Variants in MCC observed in about 807,000 individuals in gnomAD.
MCC encodes colorectal mutant cancer protein.
In MCC, 90 loss-of-function variants were observed where a neutral mutation model predicts 116.2. The ratio of observed to expected loss-of-function variants is 0.77; its 90% confidence interval spans 0.65 to 0.92. The LOEUF (loss-of-function observed/expected upper bound fraction) is 0.92. Ranked by LOEUF, MCC falls within the 40% of genes least tolerant of loss-of-function variation. The pLI is 0.00. For synonymous variants in MCC, 578 were observed against 510.5 expected (o/e 1.13, Z -1.78); for missense variants, 1,516 against 1,312.2 (o/e 1.16, Z -2.40).
In MCC at chr5:113,085,280, C is replaced by A. The variant is rs140863211; in HGVS notation, c.1429G>T (p.Val477Leu). The A allele has an allele frequency of 6.2e-6, 10 of 1,613,776 alleles. No homozygotes were observed. Among genetic ancestry groups the A allele is most frequent in the Non-Finnish European group, 8.5e-6 (10 of 1,179,916 alleles). Residue 477 changes from valine (V) to leucine (L), a missense_variant, in exon 9 of 19, where the codon GTG becomes TTG. Coordinates refer to ENST00000408903, the MANE Select transcript of MCC (RefSeq NM_001085377.2). ...VRELQTRLQS[V>L]QATGPSSPGR... ...GGGCTGGAGGGACCTGTGGCCTGCA[C>A]GCTCTGTAGTCGAGTTTGAAGCTCT...
chr5:113,129,951 G>A (rs188011869), intron 5 of MCC, among the ~76,000 whole-genome samples: 2,217 of 152,264 alleles, frequency 0.015, 23 homozygotes, highest in Middle Eastern at 0.027. Flanking sequence ...TCTAGAACCA[G>A]AAATACCATT....
intron 8 of MCC, among the ~76,000 whole-genome samples, chr5:113,094,821 T>G (rs994349600): frequency 6.6e-6 from 1 of 152,178 alleles, no homozygotes; most frequent in African/African-American, 2.4e-5. Flanking sequence ...CATAGGCACA[T>G]GAGGCTGGGG....
chr5:113,039,364 C>T (rs890007882), intron 17 of MCC, among the ~76,000 whole-genome samples: 3 of 152,124 alleles, frequency 2.0e-5, no homozygotes, highest in African/African-American at 2.4e-5. Flanking sequence ...AGATCCTTAC[C>T]TTTTTATCAG....
At chr5:113,119,664 G>C (rs945298985) in intron 6 of MCC, among the ~76,000 whole-genome samples, 1 of 151,890 alleles carries the variant, frequency 6.6e-6, no homozygotes, top group African/African-American at 2.4e-5. Context: ...TTCATCCCCA[G>C]TACCTAGCAC....
At chr5:113,382,262 T>C (rs1327603690) in intron 2 of MCC, among the ~76,000 whole-genome samples, 3 of 151,774 alleles carry the variant, frequency 2.0e-5, no homozygotes, top group Non-Finnish European at 4.4e-5. Flanking sequence ...CTTTATCTAA[T>C]TATTGTCCTT....
intron 1 of MCC, among the ~76,000 whole-genome samples, chr5:113,469,094 T>C: frequency 6.6e-6 from 1 of 152,222 alleles, no homozygotes; most frequent in South Asian, 2.1e-4. Context: ...TTAGTCTTGC[T>C]AGAAGTCTAT....
In MCC at chr5:113,104,264, G is replaced by C. The variant is rs778753429; in HGVS notation, c.1119C>G (p.Leu373=). The C allele has an allele frequency of 1.2e-6, 2 of 1,614,086 alleles. No homozygotes were observed. The highest frequency in any genetic ancestry group is 4.5e-5 in the East Asian group (2 of 44,882). The change falls in exon 7 of 19, where the codon CTC becomes CTG. Residue 373 remains leucine, a synonymous_variant. Coordinates refer to ENST00000408903, the MANE Select transcript of MCC (RefSeq NM_001085377.2). ...TGTGCTTGTCCACCTCGGCCACGGA[G>C]AGGCTGCAGCTGCTCTTCTTCCTGC... The part of the protein sequence containing the change: ...VCGRKKSSCS[L]SVAEVDKHIE...
Position 113,434,044 on chromosome 5 carries a change from T to G in MCC, c.171-48832A>C. The stretch of plus-strand genomic sequence containing the variant: ...GGCTGCATCCAGCAGTGGCTGAGGA[T>G]CTCGTCGATGTGGAGCCGCCGGTTG... On this transcript the variant is annotated intron_variant, in intron 1 of 18. Transcript: ENST00000408903. The surrounding 1 kb of genome is among the most constrained non-coding windows in gnomAD (Gnocchi z 4.2). The G allele has an allele frequency of 1.2e-6, 2 of 1,614,040 alleles. No individual in the cohort carries two copies. The highest frequency in any genetic ancestry group is 1.7e-6 in the Non-Finnish European group (2 of 1,179,910).
At chr5:113,343,537 G>A (rs1768060798) in intron 2 of MCC, among the ~76,000 whole-genome samples, 1 of 152,306 alleles carries the variant, frequency 6.6e-6, no homozygotes, top group Middle Eastern at 3.4e-3. Context: ...GGTCAGCGTT[G>A]AAAAGTGGAG....
Position 113,022,283 on chromosome 5 carries a change from C to G in MCC, c.*5019G>C, listed in dbSNP as rs2150200977. On this transcript the variant is annotated 3_prime_UTR_variant, in exon 19 of 19. Coordinates refer to ENST00000408903, the MANE Select transcript of MCC (RefSeq NM_001085377.2). ...CATTTAAAGAATACAAGTGGAGAAT[C>G]TAAAAAATTACAAGGTATAGTACAG... The G allele has an allele frequency of 6.6e-6, 1 of 152,666 alleles. No individual in the cohort carries two copies. Among genetic ancestry groups the G allele is most frequent in the South Asian group, 2.1e-4 (1 of 4,830 alleles). 9.5% of individuals were successfully genotyped at this position (152,666 alleles called of 1,614,324 possible).
Position 113,337,757 on chromosome 5 carries a change from C to T in MCC, c.627+2762G>A, listed in dbSNP as rs373582011. Among the ~76,000 whole-genome samples the T allele has an allele frequency of 3.4e-4, 51 of 152,188 alleles. 4 individuals carry two copies. The highest frequency in any genetic ancestry group is 1.0e-3 in the Admixed American group (16 of 15,298). Reference sequence around the variant, plus strand: ...ATAATAAAACTTAATTTTATTAGTTCAAGATTTTTCCTTAGAAGGGACATA... The same window carrying T: ...ATAATAAAACTTAATTTTATTAGTTTAAGATTTTTCCTTAGAAGGGACATA... On this transcript the variant is annotated intron_variant, in intron 3 of 18. Coordinates refer to ENST00000408903, the MANE Select transcript of MCC (RefSeq NM_001085377.2).
chr5:113,142,705 T>C (rs990499782), intron 5 of MCC, among the ~76,000 whole-genome samples: 2 of 152,198 alleles, frequency 1.3e-5, no homozygotes, highest in Admixed American at 6.5e-5. Context: ...GTAGAGCAAT[T>C]TGAGGTAAGC....
At chr5:113,208,942 A>C (rs916283735) in intron 3 of MCC, among the ~76,000 whole-genome samples, 15 of 152,226 alleles carry the variant, frequency 9.9e-5, no homozygotes, top group African/African-American at 3.4e-4. Context: ...CCATTCTCTG[A>C]GGGGCTAAGG....
intron 3 of MCC, among the ~76,000 whole-genome samples, chr5:113,268,512 T>C (rs1765496528): frequency 6.6e-6 from 1 of 152,212 alleles, no homozygotes; most frequent in African/African-American, 2.4e-5. Flanking sequence ...AGAAAAATTT[T>C]GTATCCTGTC....
intron 3 of MCC, among the ~76,000 whole-genome samples, chr5:113,221,969 C>A (rs1228486027): frequency 1.3e-5 from 2 of 152,150 alleles, no homozygotes. Flanking sequence ...GCAAAGTAAG[C>A]CCGTTGGGTG....
chr5:113,286,748 A>C (rs1271557561), intron 3 of MCC, among the ~76,000 whole-genome samples: 1 of 152,240 alleles, frequency 6.6e-6, no homozygotes, highest in Non-Finnish European at 1.5e-5. Flanking sequence ...TTTCCCTAAA[A>C]GACTTTCTCA....
chr5:113,071,795 T>A (rs2150234564), intron 11 of MCC, among the ~76,000 whole-genome samples: 1 of 152,336 alleles, frequency 6.6e-6, no homozygotes, highest in Non-Finnish European at 1.5e-5. Context: ...AATCCCATCC[T>A]CATAATCACA....
rs753427132 is a variant in MCC, at chr5:113,434,843, G to A, written c.171-49631C>T. On this transcript the variant is annotated intron_variant, in intron 1 of 18. Coordinates refer to ENST00000408903, the MANE Select transcript of MCC (RefSeq NM_001085377.2). This position sits in a 1 kb window ranked among gnomAD's most constrained non-coding sequence, Gnocchi z 4.2. ...TGAGGACAGCAGCGTCATCCATGGT[G>A]CCAGGAATGCCCAGTGCCTCTGAGG... is the stretch of plus-strand genomic sequence containing the variant. The A allele has an allele frequency of 6.2e-6, 10 of 1,602,694 alleles. No homozygotes were observed. Among genetic ancestry groups the A allele is most frequent in the Non-Finnish European group, 7.7e-6 (9 of 1,172,656 alleles).
At chr5:113,191,788 C>A (rs1162202252) in intron 3 of MCC, among the ~76,000 whole-genome samples, 1 of 152,156 alleles carries the variant, frequency 6.6e-6, no homozygotes, top group Non-Finnish European at 1.5e-5. Context: ...CCCAGTGGGC[C>A]ACCACTCCCC....
Sources: allele counts gnomAD v4.1 joint callset (sites outside exome capture counted in the v4.1 genomes callset), GRCh38; gene constraint gnomAD v4.1.1; non-coding constraint Gnocchi (gnomAD v3.1); transcripts MANE v1.5; gene names NCBI Gene and HGNC (gene_info 2026-07-23, HGNC 2026-07-21).